MAST2: variants seen among roughly 807,000 people sequenced by gnomAD.
MAST2 encodes microtubule associated serine/threonine kinase 2.
Under a neutral mutation model 147.4 loss-of-function variants are expected in MAST2, and 70 were observed. That is an observed-to-expected ratio of 0.47 (90% CI 0.39 to 0.58). The LOEUF (loss-of-function observed/expected upper bound fraction) is 0.58. MAST2 is among the 20% of genes least tolerant of loss of function. The pLI is 0.00. For missense variants in MAST2, 2,080 were observed against 2,302.3 expected (o/e 0.90, Z 1.98); for synonymous variants, 869 against 896.8 (o/e 0.97, Z 0.55).
chr1:46,005,516 G>A (rs942046856), intron 7 of MAST2, among the ~76,000 whole-genome samples: 3 of 152,142 alleles, frequency 2.0e-5, no homozygotes, highest in African/African-American at 7.2e-5. Flanking sequence ...CATTAGCTGC[G>A]CCTGTAGAAG....
Position 46,035,584 on chromosome 1 carries a change from C to G in MAST2, c.4915C>G (p.Pro1639Ala), listed in dbSNP as rs1462394393. ...TTCTCCCAGCACTTCGGGACTCACC[C>G]CCACCAGCAGTTGCTCTCCTCCCAG... is the stretch of plus-strand genomic sequence containing the variant. ...ALSPSTSGLT[P>A]TSSCSPPSST... The change falls in exon 29 of 29, where the codon CCC becomes GCC. Residue 1639 changes from proline (P) to alanine (A), a missense_variant. Transcript: ENST00000361297. The surrounding 1 kb of genome is among the most constrained non-coding windows in gnomAD (Gnocchi z 5.5). The G allele has an allele frequency of 6.2e-7, 1 of 1,613,742 alleles. No homozygotes were observed. The highest frequency in any genetic ancestry group is 2.2e-5 in the East Asian group (1 of 44,856).
Position 46,031,008 on chromosome 1 carries a change from T to G in MAST2, c.2710T>G (p.Leu904Val), listed in dbSNP as rs1228547314. Reference sequence around the variant, plus strand: ...CACCCCAGGCCTTGTGTCTCATAGATTACGGAAGCGGCTGTCGGTGTCTGA... The same window carrying G: ...CACCCCAGGCCTTGTGTCTCATAGAGTACGGAAGCGGCTGTCGGTGTCTGA... ...RSWVIGSPEI[L>V]RKRLSVSESS... The change falls in exon 23 of 29, where the codon TTA becomes GTA. Residue 904 changes from leucine (L) to valine (V), a missense_variant and splice_region_variant. By Grantham distance (32) the Leu-to-Val change is conservative. Coordinates refer to ENST00000361297, the MANE Select transcript of MAST2 (RefSeq NM_015112.3). The surrounding 1 kb of genome is among the most constrained non-coding windows in gnomAD (Gnocchi z 4.1). The G allele has an allele frequency of 6.2e-7, 1 of 1,612,780 alleles. No homozygotes were observed. The highest frequency in any genetic ancestry group is 8.5e-7 in the Non-Finnish European group (1 of 1,179,346).
intron 3 of MAST2, among the ~76,000 whole-genome samples, chr1:45,842,559 A>G (rs1645311189): frequency 6.6e-6 from 1 of 152,090 alleles, no homozygotes; most frequent in Non-Finnish European, 1.5e-5. Flanking sequence ...TACATATGTG[A>G]CCTTCTGTAT....
intron 4 of MAST2, among the ~76,000 whole-genome samples, chr1:45,927,304 G>A (rs1258921070): frequency 1.3e-5 from 2 of 152,164 alleles, no homozygotes; most frequent in African/African-American, 4.8e-5. Context: ...ATAGAGTTTT[G>A]AGATCAACCG....
intron 1 of MAST2, among the ~76,000 whole-genome samples, chr1:45,813,549 AG>A (rs1281884736): frequency 7.0e-6 from 1 of 143,746 alleles, no homozygotes; most frequent in African/African-American, 2.6e-5. Flanking sequence ...CCCAGTCTGG[AG>A]TGCAGTGGCA....
In MAST2 at chr1:46,033,905, G is replaced by A. The variant is rs550176139; in HGVS notation, c.3641G>A (p.Ser1214Asn). 1.9e-6 allele frequency: 3 copies of A among 1,614,190 alleles called. No individual in the cohort carries two copies. The highest frequency in any genetic ancestry group is 3.3e-5 in the Admixed American group (2 of 60,024). ...TACAAGGCCAAGATGGCCCGAAGGAGCAAGAGGAGCCGCGGCAAGGATGGG... is the reference window on the plus strand; with the variant it reads ...TACAAGGCCAAGATGGCCCGAAGGAACAAGAGGAGCCGCGGCAAGGATGGG... ...GSYKAKMARR[S>N]KRSRGKDGQE... The change falls in exon 27 of 29, where the codon AGC becomes AAC. Residue 1214 changes from serine (S) to asparagine (N), a missense_variant. By Grantham distance (46) the Ser-to-Asn change is conservative (BLOSUM62 1). Around this residue, in one of 4 missense-constraint regions of MAST2, gnomAD observed 1,278 missense variants for 1,304.2 expected, o/e 0.98. Coordinates refer to ENST00000361297, the MANE Select transcript of MAST2 (RefSeq NM_015112.3).
At chr1:45,939,813 T>C (rs540954757) in intron 4 of MAST2, among the ~76,000 whole-genome samples, 1 of 152,046 alleles carries the variant, frequency 6.6e-6, no homozygotes, top group East Asian at 1.9e-4. Flanking sequence ...GTGCTGGGAT[T>C]ACAGGTGTGA....
Position 45,847,413 on chromosome 1 carries a change from T to TG in MAST2, c.468+17839dup, listed in dbSNP as rs377546222. On this transcript the variant is annotated intron_variant, in intron 3 of 28. Coordinates refer to ENST00000361297, the MANE Select transcript of MAST2 (RefSeq NM_015112.3). The stretch of plus-strand genomic sequence containing the variant: ...GCATCTTTGTTTGAATATCTTTTTT[T>TG]GGGGGGGATCAAGATGATTTTGAAA... The TG allele has an allele frequency of 3.0e-4, 163 of 546,526 alleles. 2 individuals carry two copies. Among genetic ancestry groups the TG allele is most frequent in the African/African-American group, 2.9e-3 (150 of 51,500 alleles). The allele number at this position is 546,526 out of a possible 1,614,324, so 33.9% of individuals were successfully genotyped here.
chr1:45,961,106 C>T (rs561386173), intron 5 of MAST2, among the ~76,000 whole-genome samples: 19 of 152,112 alleles, frequency 1.2e-4, no homozygotes, highest in Non-Finnish European at 2.6e-4. Context: ...TGGCCCCTTT[C>T]CAAGAATCAG....
rs532436483 is a variant in MAST2, at chr1:45,949,203, C to A, written c.501-10183C>A. ...ATGACAAAGACACCAAAAGCGATTG[C>A]AACAAAAGCAAAAATGGACAAGTTT... On this transcript the variant is annotated intron_variant, in intron 4 of 28. Coordinates refer to ENST00000361297, the MANE Select transcript of MAST2 (RefSeq NM_015112.3). Among the ~76,000 whole-genome samples, 10 of 151,928 alleles carry A rather than the reference C, an allele frequency of 6.6e-5. No individual in the cohort carries two copies. In the East Asian group the frequency reaches 1.9e-3, roughly 29 times the overall value.
intron 15 of MAST2, among the ~76,000 whole-genome samples, chr1:46,025,211 C>T (rs764626326): frequency 2.0e-5 from 3 of 151,934 alleles, no homozygotes; most frequent in South Asian, 4.2e-4. Flanking sequence ...CCCAGCTACT[C>T]GGGAGGCTGA....
chr1:46,001,465 C>T (rs1645271308), intron 6 of MAST2, among the ~76,000 whole-genome samples: 1 of 152,206 alleles, frequency 6.6e-6, no homozygotes, highest in African/African-American at 2.4e-5. Context: ...CTGAGTTATA[C>T]TTGTCTCATC....
intron 5 of MAST2, among the ~76,000 whole-genome samples, chr1:45,986,679 T>TGCACTCCA (rs1456124256): frequency 3.8e-4 from 54 of 143,512 alleles, no homozygotes; most frequent in Non-Finnish European, 7.5e-4. Context: ...ATTGCGCCAT[T>TGCACTCCA]GCACTCCAGC....
rs1419839248 is a variant in MAST2 at position 45,895,010 on chromosome 1, T to C, written c.500+12615T>C. ...CCCATGTAACTACAACCACAATTAATAGATAGAACATTTTTCTTACCCCCA... is the reference window on the plus strand; with the variant it reads ...CCCATGTAACTACAACCACAATTAACAGATAGAACATTTTTCTTACCCCCA... On this transcript the variant is annotated intron_variant, in intron 4 of 28. Coordinates refer to ENST00000361297, the MANE Select transcript of MAST2 (RefSeq NM_015112.3). Among the ~76,000 whole-genome samples, 3 of 152,238 alleles carry C rather than the reference T, an allele frequency of 2.0e-5. No homozygotes were observed. In the East Asian group the frequency reaches 5.8e-4, roughly 29 times the overall value.
At chr1:45,959,922 AG>A (rs1225673319) in intron 5 of MAST2, among the ~76,000 whole-genome samples, 1 of 152,164 alleles carries the variant, frequency 6.6e-6, no homozygotes, top group African/African-American at 2.4e-5. Context: ...CAAAAGCAAG[AG>A]GAGTATGTGT....
chr1:46,017,197 CG>C (rs1212239647), intron 10 of MAST2, among the ~76,000 whole-genome samples: 1 of 152,018 alleles, frequency 6.6e-6, no homozygotes, highest in Non-Finnish European at 1.5e-5. Flanking sequence ...AAGACTTAAA[CG>C]TTAGACCTAA....
At chr1:45,853,105 T>A (rs1388419514) in intron 3 of MAST2, among the ~76,000 whole-genome samples, 2 of 151,976 alleles carry the variant, frequency 1.3e-5, no homozygotes, top group Non-Finnish European at 2.9e-5. Context: ...AATTTTTGTA[T>A]TTTTAGTAGA....
At chr1:46,002,411 G>C (rs1169711961) in intron 6 of MAST2, among the ~76,000 whole-genome samples, 1 of 152,094 alleles carries the variant, frequency 6.6e-6, no homozygotes, top group Admixed American at 6.5e-5. Context: ...CCCTTAACAC[G>C]GAGCCTTCAC....
intron 4 of MAST2, among the ~76,000 whole-genome samples, chr1:45,925,567 A>G (rs1654231541): frequency 6.6e-6 from 1 of 152,194 alleles, no homozygotes; most frequent in Non-Finnish European, 1.5e-5. Context: ...TCACTGGCCC[A>G]GCTGTAGGCC....
Sources: allele counts gnomAD v4.1 joint callset (sites outside exome capture counted in the v4.1 genomes callset), GRCh38; gene constraint gnomAD v4.1.1; regional missense constraint gnomAD v4.1.1; non-coding constraint Gnocchi (gnomAD v3.1); transcripts MANE v1.5; gene names NCBI Gene and HGNC (gene_info 2026-07-23, HGNC 2026-07-21).